Variants in PIP5KL1 observed in about 807,000 individuals in gnomAD.
PIP5KL1 encodes the protein phosphatidylinositol 4-phosphate 5-kinase-like protein 1.
In PIP5KL1, 45 loss-of-function variants were observed where a neutral mutation model predicts 47.6. The ratio of observed to expected loss-of-function variants is 0.94; its 90% CI spans 0.74 to 1.21. PIP5KL1 has a LOEUF of 1.21. Among genes scored for constraint, PIP5KL1 ranks in the 50% most tolerant of loss-of-function variants. PIP5KL1 has a pLI of 0.00. For synonymous variants in PIP5KL1, 256 were observed against 234.6 expected, an observed-to-expected ratio of 1.09 and a Z score of -0.84; for missense variants, 577 against 547.6, an observed-to-expected ratio of 1.05 and a Z score of -0.54.
chr9:127,925,060 T>C (rs2131637105), intron 9 of PIP5KL1, 47 bp downstream of exon 9: 2 of 1,605,632 alleles, frequency 1.2e-6, no homozygotes, highest in Non-Finnish European at 1.7e-6. Flanking sequence ...TGTCTTTCCC[T>C]TACTCTCACC....
chr9:127,921,624 G>C lies in PIP5KL1; in HGVS notation c.*223C>G. The C allele has an allele frequency of 1.6e-6, 1 of 611,970 alleles. No individual in the cohort carries two copies. Among genetic ancestry groups the C allele is most frequent in the South Asian group, 2.2e-5 (1 of 45,914 alleles). The allele number at this position is 611,970 out of a possible 1,614,324, so 37.9% of individuals were successfully genotyped here. A position where few individuals can be genotyped will look rare whatever the true frequency, so the allele number is the denominator to read the frequency against. On this transcript the variant is annotated 3_prime_UTR_variant, in exon 10 of 10. Coordinates refer to ENST00000388747, the MANE Select transcript of PIP5KL1 (RefSeq NM_001135219.2). ...CATGGTCTGTAAAAAGAGAATAATA[G>C]CATTTTTTGAGGATTAAATGAGCTA... is the stretch of plus-strand genomic sequence containing the variant.
Position 127,927,870 on chromosome 9 carries a change from G to C in PIP5KL1, c.435-98C>G. On this transcript the variant is annotated intron_variant, in intron 4 of 9. Coordinates refer to ENST00000388747, the MANE Select transcript of PIP5KL1 (RefSeq NM_001135219.2). The surrounding 1 kb of genome is among the most constrained non-coding windows in gnomAD (Gnocchi z 5.5). ...CTGTGCACGTGGATCTCGCTCCCAG[G>C]TCTCGGCACCGCCTCTCTCGCCTTC... The C allele has an allele frequency of 6.7e-7, 1 of 1,499,926 alleles. No homozygotes were observed. Among genetic ancestry groups the C allele is most frequent in the Non-Finnish European group, 8.9e-7 (1 of 1,129,860 alleles). The allele number at this position is 1,499,926 out of a possible 1,614,324, so 92.9% of individuals were successfully genotyped here.
intron 9 of PIP5KL1, among the ~76,000 whole-genome samples, chr9:127,923,158 G>A (rs1382707092): frequency 6.6e-6 from 1 of 152,186 alleles, no homozygotes; most frequent in South Asian, 2.1e-4. Flanking sequence ...TTGGCAGGGC[G>A]CCCAGTCCCA....
rs1831280432 is a variant in PIP5KL1 at position 127,921,585 on chromosome 9, CT to C, written c.*261del. On this transcript the variant is annotated 3_prime_UTR_variant, in exon 10 of 10. Coordinates refer to ENST00000388747, the MANE Select transcript of PIP5KL1 (RefSeq NM_001135219.2). The stretch of plus-strand genomic sequence containing the variant: ...TGATCTTGATCAGTCCCTTCACCCC[CT>C]GAGCCTCCATTTCATGGTCTGTAAA... 3.9e-6 allele frequency: 2 copies of C among 506,590 alleles called. No individual in the cohort carries two copies. Among genetic ancestry groups the C allele is most frequent in the Admixed American group, 6.9e-5 (2 of 29,124 alleles). 31.4% of individuals were successfully genotyped at this position (506,590 alleles called of 1,614,324 possible). A position where few individuals can be genotyped will look rare whatever the true frequency, so the allele number is the denominator to read the frequency against.
In PIP5KL1 at chr9:127,921,692, G is replaced by GTCAAACGGGA. The variant is rs1831282101; in HGVS notation, c.*145_*154dup. 7 of 1,089,734 alleles carry GTCAAACGGGA rather than the reference G, an allele frequency of 6.4e-6. No homozygotes were observed. Among genetic ancestry groups the GTCAAACGGGA allele is most frequent in the Non-Finnish European group, 8.9e-6 (7 of 784,834 alleles). 67.5% of individuals were successfully genotyped at this position (1,089,734 alleles called of 1,614,324 possible). On this transcript the variant is annotated 3_prime_UTR_variant, in exon 10 of 10. Coordinates refer to ENST00000388747, the MANE Select transcript of PIP5KL1 (RefSeq NM_001135219.2). Reference sequence around the variant, plus strand: ...GCACGATGCTGGGCACGGCACCACCGTCAAACGGGACTGCGCGGTTACGGT... The same window carrying GTCAAACGGGA: ...GCACGATGCTGGGCACGGCACCACCGTCAAACGGGATCAAACGGGACTGCGCGGTTACGGT...
Position 127,929,814 on chromosome 9 carries a change from G to T in PIP5KL1, c.102C>A (p.Leu34=). Residue 34 remains leucine, a synonymous_variant, in exon 2 of 10, where the codon CTC becomes CTA. Coordinates refer to ENST00000388747, the MANE Select transcript of PIP5KL1 (RefSeq NM_001135219.2). The surrounding 1 kb of genome is among the most constrained non-coding windows in gnomAD (Gnocchi z 4.0). ...TSSRRGLLWR[L]RDKQSRLGLF... ...GGCCCAGGCGAGACTGCTTGTCTCG[G>T]AGGCGCCAGAGAAGCCCCCGCCGGC... 6.4e-7 allele frequency: 1 copy of T among 1,550,606 alleles called. No individual in the cohort carries two copies.
In PIP5KL1 at chr9:127,925,184, G is replaced by T. The variant is rs777802660; in HGVS notation, c.840C>A (p.Tyr280Ter). 2 of 1,614,132 alleles carry T rather than the reference G, an allele frequency of 1.2e-6. No individual in the cohort carries two copies. The highest frequency in any genetic ancestry group is 2.2e-5 in the South Asian group (2 of 91,082). Residue 280 changes from tyrosine (Y) to a stop codon, truncating the protein, a stop_gained, in exon 9 of 10, where the codon TAC (tyrosine) becomes TAA (stop). Transcript: ENST00000388747. LOFTEE classifies it high-confidence loss of function. ...TFLRELNVLD[Y>*]SLLIAFQRLH... Reference sequence around the variant, plus strand: ...GACGTTGGAAGGCTATCAGGAGGCTGTAATCCAGCACGTTGAGCTCCCGGA... The same window carrying T: ...GACGTTGGAAGGCTATCAGGAGGCTTTAATCCAGCACGTTGAGCTCCCGGA...
chr9:127,922,785 A>T (rs1484818496), intron 9 of PIP5KL1, among the ~76,000 whole-genome samples: 1 of 152,174 alleles, frequency 6.6e-6, no homozygotes, highest in Non-Finnish European at 1.5e-5. Flanking sequence ...ACTCATTTTT[A>T]CGTTGATTCA....
In PIP5KL1 at chr9:127,922,096, C is replaced by T; in HGVS notation, c.936G>A (p.Gln312=). 5 of 1,545,114 alleles carry T rather than the reference C, an allele frequency of 3.2e-6. No homozygotes were observed. The highest frequency in any genetic ancestry group is 4.4e-6 in the Non-Finnish European group (5 of 1,147,232). ...TTTGGGCTCTCGACTCTTCCGGGCT[C>T]TGTGCCCCTTGCACAGACCTGGGGG... The part of the protein sequence containing the change: ...FRTARSVQGA[Q]SPEESRAQNR... Residue 312 remains glutamine, a synonymous_variant, in exon 10 of 10, where the codon CAG becomes CAA. Transcript: ENST00000388747.
Position 127,927,224 on chromosome 9 carries a change from GGGAGTGAGGGAGGCC to G in PIP5KL1, c.595-31_595-17del. 1 of 1,612,946 alleles carries G rather than the reference GGGAGTGAGGGAGGCC, an allele frequency of 6.2e-7. No homozygotes were observed. Among genetic ancestry groups the G allele is most frequent in the Non-Finnish European group, 8.5e-7 (1 of 1,179,776 alleles). ...TGAAGTACGTCTGGGGGCCGGGACAGGGAGTGAGGGAGGCCGGCTGTCGCCCTCCAGCCGCCCGCT... is the reference window on the plus strand; with the variant it reads ...TGAAGTACGTCTGGGGGCCGGGACAGGGCTGTCGCCCTCCAGCCGCCCGCT... On this transcript the variant is annotated splice_polypyrimidine_tract_variant and intron_variant, in intron 6 of 9. Coordinates refer to ENST00000388747, the MANE Select transcript of PIP5KL1 (RefSeq NM_001135219.2). This position sits in a 1 kb window ranked among gnomAD's most constrained non-coding sequence, Gnocchi z 5.5.
chr9:127,930,659 G>A (rs1399943971), intron 1 of PIP5KL1, 64 bp downstream of exon 1: 6 of 1,463,304 alleles, frequency 4.1e-6, no homozygotes, highest in Middle Eastern at 1.9e-4. Flanking sequence ...CGCTCGCCGA[G>A]GGGAGGCCCG....
chr9:127,927,137 T>A lies in PIP5KL1; in HGVS notation c.650+16A>T. On this transcript the variant is annotated intron_variant, in intron 7 of 9. Transcript: ENST00000388747. The surrounding 1 kb of genome is among the most constrained non-coding windows in gnomAD (Gnocchi z 5.5). ...TTCGGCTGGGATGGGGGCCCAAACC[T>A]GCTTAGGCCACTCACCTCTCGGAGA... 1 of 1,598,132 alleles carries A rather than the reference T, an allele frequency of 6.3e-7. No homozygotes were observed. The highest frequency in any genetic ancestry group is 8.6e-7 in the Non-Finnish European group (1 of 1,169,116).
In PIP5KL1 at chr9:127,928,796, T is replaced by C. The variant is rs145339938; in HGVS notation, c.229-313A>G. 9.6e-4 allele frequency: 443 copies of C among 461,926 alleles called. 2 individuals carry two copies. Among genetic ancestry groups the C allele is most frequent in the African/African-American group, 8.3e-3 (412 of 49,878 alleles). 28.6% of individuals were successfully genotyped at this position (461,926 alleles called of 1,614,324 possible). ...ACAGGCTGGCCAAGTGAAGCCAGAT[T>C]CTGTCCAGTACAAGGGGGTGGCCCT... On this transcript the variant is annotated intron_variant, in intron 2 of 9. Transcript: ENST00000388747.
In PIP5KL1 at chr9:127,928,192, G is replaced by A. The variant is rs1055192605; in HGVS notation, c.307C>T (p.Pro103Ser). ...EGFELGTLAGPAFAWLRRSLG... is the reference protein window; with the variant it reads ...EGFELGTLAGSAFAWLRRSLG... ...GAGCGGCGCAGCCAGGCAAAGGCGG[G>A]GCCGGCCAGCGTGCCCAGCTCGAAG... Residue 103 changes from proline (P) to serine (S), a missense_variant, in exon 4 of 10, where the codon CCC (proline) becomes TCC (serine). By Grantham distance (74) the Pro-to-Ser change is moderately conservative. Coordinates refer to ENST00000388747, the MANE Select transcript of PIP5KL1 (RefSeq NM_001135219.2). 12 of 1,538,830 alleles carry A rather than the reference G, an allele frequency of 7.8e-6. No homozygotes were observed. The highest frequency in any genetic ancestry group is 4.4e-6 in the Non-Finnish European group (5 of 1,142,992).
intron 9 of PIP5KL1, among the ~76,000 whole-genome samples, chr9:127,924,068 CT>C (rs1831325357): frequency 6.6e-6 from 1 of 152,200 alleles, no homozygotes; most frequent in Non-Finnish European, 1.5e-5. Flanking sequence ...GGCAAGGACC[CT>C]TTCTAAAGCA....
chr9:127,923,713 G>A lies in PIP5KL1; in HGVS notation c.917+1394C>T, dbSNP rs538583286. 6.6e-5 allele frequency among the ~76,000 whole-genome samples: 10 copies of A among 152,330 alleles called. No individual in the cohort carries two copies. The South Asian group carries it at 1.5e-3, about 22-fold the overall frequency. ...CGAGGCAGGGGACAGGAGGGGTGGC[G>A]GCTGGACCTCCTCTTTCACTCCCCT... is the stretch of plus-strand genomic sequence containing the variant. On this transcript the variant is annotated intron_variant, in intron 9 of 9. Transcript: ENST00000388747.
At chr9:127,928,531 G>A in intron 2 of PIP5KL1, 48 bp from the exon 3 acceptor site, 1 of 1,497,684 alleles carries the variant, frequency 6.7e-7, no homozygotes. Flanking sequence ...GTCCCCTGCT[G>A]CCTGCCCCAG....
Position 127,929,872 on chromosome 9 carries a change from G to C in PIP5KL1, c.44C>G (p.Ser15Cys), listed in dbSNP as rs780910857. 6.5e-7 allele frequency: 1 copy of C among 1,535,668 alleles called. No homozygotes were observed. Among genetic ancestry groups the C allele is most frequent in the East Asian group, 2.5e-5 (1 of 40,604 alleles). The change falls in exon 2 of 10, where the codon TCC (serine) becomes TGC (cysteine). Residue 15 changes from serine to cysteine, a missense_variant. Ser to Cys is a moderately radical substitution (Grantham distance 112). Coordinates refer to ENST00000388747, the MANE Select transcript of PIP5KL1 (RefSeq NM_001135219.2). The surrounding 1 kb of genome is among the most constrained non-coding windows in gnomAD (Gnocchi z 4.0). ...SPGPREVLAP[S>C]PEAGCRAVTS... The stretch of plus-strand genomic sequence containing the variant: ...GACTGCTCTGCATCCAGCCTCAGGG[G>C]AGGGGGCCAGGACCTGGTGGGAGGA...
At chr9:127,922,708 A>AG (rs1831304045) in intron 9 of PIP5KL1, among the ~76,000 whole-genome samples, 2 of 140,834 alleles carry the variant, frequency 1.4e-5, no homozygotes, top group African/African-American at 2.7e-5. Context: ...AAAAAAAAAA[A>AG]AAAGAAAAAA....
Sources: gnomAD v4.1 joint callset for allele counts (sites outside exome capture counted in the v4.1 genomes callset) on GRCh38, gnomAD v4.1.1 for gene constraint, Gnocchi (gnomAD v3.1) non-coding constraint, MANE v1.5 for transcripts, NCBI Gene and HGNC (gene_info 2026-07-23, HGNC 2026-07-21) for gene names.